USP7: variants seen among roughly 807,000 people sequenced by gnomAD.
USP7 encodes the protein ubiquitin C-terminal hydrolase 7.
A neutral mutation model predicts 162.9 loss-of-function variants in USP7; 9 were observed. The observed-to-expected ratio is 0.06, with a 90% confidence interval of 0.03 to 0.10. USP7 has a LOEUF of 0.10. USP7 is among the 10% of genes least tolerant of loss of function. The probability of loss-of-function intolerance (pLI) is 1.00; values close to 1 mark genes in which losing one functional copy is unlikely to be tolerated. For synonymous variants in USP7, 562 were observed against 475.9 expected (o/e 1.18, Z -2.35); for missense variants, 715 against 1,373.7 (o/e 0.52, Z 7.58).
At chr16:8,913,118 G>A (rs1407714664) in intron 10 of USP7, among the ~76,000 whole-genome samples, 1 of 152,214 alleles carries the variant, frequency 6.6e-6, no homozygotes, top group Non-Finnish European at 1.5e-5. Context: ...AATCTTGGGA[G>A]GCCAAGATGG....
chr16:8,908,549 G>C (rs1245641068), intron 11 of USP7, 99 bp from the exon 12 acceptor site: 3 of 963,754 alleles, frequency 3.1e-6, no homozygotes, highest in Non-Finnish European at 4.6e-6. Flanking sequence ...CATGTCTGGA[G>C]ACTCTGGAGA....
At chr16:8,923,757 G>A (rs942429533) in intron 2 of USP7, among the ~76,000 whole-genome samples, 3 of 152,156 alleles carry the variant, frequency 2.0e-5, no homozygotes, top group East Asian at 1.9e-4. Flanking sequence ...GAGAAGGAAC[G>A]ACATGGCTCA....
Position 8,894,687 on chromosome 16 carries a change from CA to C in USP7, c.3112-48del. On this transcript the variant is annotated intron_variant, in intron 29 of 30. Coordinates refer to ENST00000344836, the MANE Select transcript of USP7 (RefSeq NM_003470.3). Reference sequence around the variant, plus strand: ...CTCCTCCGTTATTTCTGTATATCAGCAAAACTCACATCTCTGGCAAAAAAGC... The same window carrying C: ...CTCCTCCGTTATTTCTGTATATCAGCAAACTCACATCTCTGGCAAAAAAGC... 3.1e-6 allele frequency: 5 copies of C among 1,611,938 alleles called. No individual in the cohort carries two copies. The South Asian group carries it at 3.3e-5, about 11-fold the overall frequency.
chr16:8,926,888 C>G (rs549051156), intron 2 of USP7, among the ~76,000 whole-genome samples: 1 of 152,372 alleles, frequency 6.6e-6, no homozygotes, highest in Admixed American at 6.5e-5. Flanking sequence ...ACCTTCCAAT[C>G]TGGCCCCTGG....
At chr16:8,955,151 C>T (rs1174159021) in intron 1 of USP7, among the ~76,000 whole-genome samples, 6 of 152,122 alleles carry the variant, frequency 3.9e-5, no homozygotes, top group African/African-American at 7.2e-5. Flanking sequence ...TAAGAATAAC[C>T]GCTGAAATGT....
intron 1 of USP7, among the ~76,000 whole-genome samples, chr16:8,944,977 C>A (rs562260994): frequency 2.0e-5 from 3 of 152,100 alleles, no homozygotes; most frequent in African/African-American, 7.2e-5. Context: ...GTGGACCGGG[C>A]GCAGTGGCTC....
chr16:8,907,110 C>T (rs531680107), intron 12 of USP7, among the ~76,000 whole-genome samples: 5 of 152,342 alleles, frequency 3.3e-5, no homozygotes, highest in Admixed American at 2.0e-4. Context: ...GCGAAGCAGC[C>T]ACCACTCAGC....
At chr16:8,938,768 T>C (rs985526586) in intron 1 of USP7, among the ~76,000 whole-genome samples, 1 of 152,102 alleles carries the variant, frequency 6.6e-6, no homozygotes, top group Admixed American at 6.5e-5. Context: ...CAGATTTTTT[T>C]CTGTGTCATT....
At chr16:8,896,354 G>A (rs1271565579) in intron 26 of USP7, among the ~76,000 whole-genome samples, 5 of 151,994 alleles carry the variant, frequency 3.3e-5, no homozygotes, top group Admixed American at 1.3e-4. Flanking sequence ...TGATAGTGGC[G>A]TTTTCCTCGC....
intron 1 of USP7, among the ~76,000 whole-genome samples, chr16:8,960,593 A>G (rs1899970263): frequency 6.6e-6 from 1 of 152,190 alleles, no homozygotes; most frequent in African/African-American, 2.4e-5. Flanking sequence ...CAAGCTGTTC[A>G]GACCCTGACA....
At chr16:8,938,687 G>A (rs1898889582) in intron 1 of USP7, among the ~76,000 whole-genome samples, 1 of 148,418 alleles carries the variant, frequency 6.7e-6, no homozygotes. Context: ...CTCCAGCTTG[G>A]GTAACACAGC....
At position 8,963,355 on chromosome 16, in the gene USP7, G is replaced by C; in HGVS notation, c.-70C>G. Reference sequence around the variant, plus strand: ...GCGAGCCCGGCGGGCGGGCGGCGGCGAGCCGGGGCGGCGGCGGCGGCGGCG... The same window carrying C: ...GCGAGCCCGGCGGGCGGGCGGCGGCCAGCCGGGGCGGCGGCGGCGGCGGCG... On this transcript the variant is annotated 5_prime_UTR_variant, in exon 1 of 31. Coordinates refer to ENST00000344836, the MANE Select transcript of USP7 (RefSeq NM_003470.3). 1 of 533,382 alleles carries C rather than the reference G, an allele frequency of 1.9e-6. No homozygotes were observed. The highest frequency in any genetic ancestry group is 2.4e-6 in the Non-Finnish European group (1 of 420,992). The allele number at this position is 533,382 out of a possible 1,614,324, so 33.0% of individuals were successfully genotyped here.
intron 8 of USP7, among the ~76,000 whole-genome samples, chr16:8,916,067 T>A (rs1897351015): frequency 6.6e-6 from 1 of 152,220 alleles, no homozygotes; most frequent in South Asian, 2.1e-4. Context: ...TGATTAGTGA[T>A]GGCGCGGGGA....
At chr16:8,955,335 C>T (rs1899742342) in intron 1 of USP7, among the ~76,000 whole-genome samples, 1 of 152,204 alleles carries the variant, frequency 6.6e-6, no homozygotes, top group Admixed American at 6.5e-5. Context: ...GCCTCGACCT[C>T]CAAGGTTCAA....
intron 1 of USP7, among the ~76,000 whole-genome samples, chr16:8,952,012 C>T (rs1000091704): frequency 2.0e-5 from 3 of 152,040 alleles, no homozygotes; most frequent in African/African-American, 4.8e-5. Context: ...CTGCAGTTCA[C>T]GACTTTTGGG....
chr16:8,957,587 A>T (rs1160417637), intron 1 of USP7, among the ~76,000 whole-genome samples: 1 of 148,646 alleles, frequency 6.7e-6, no homozygotes, highest in African/African-American at 2.5e-5. Context: ...CAAAACTTAA[A>T]ATTCAAAAAA....
At chr16:8,911,866 G>A (rs1226702001) in intron 10 of USP7, among the ~76,000 whole-genome samples, 1 of 152,154 alleles carries the variant, frequency 6.6e-6, no homozygotes, top group Non-Finnish European at 1.5e-5. Flanking sequence ...GAGGATTGGG[G>A]GGAACAACCT....
chr16:8,908,830 C>G (rs1169015968), intron 11 of USP7, among the ~76,000 whole-genome samples: 3 of 152,164 alleles, frequency 2.0e-5, no homozygotes, highest in Non-Finnish European at 4.4e-5. Context: ...AATGGAAAAT[C>G]AGAAAACTCT....
chr16:8,923,561 C>T (rs1164763202), intron 2 of USP7, 148 bp from the exon 3 acceptor site: 2 of 812,176 alleles, frequency 2.5e-6, no homozygotes, highest in Non-Finnish European at 3.8e-6. Flanking sequence ...TTTATTAAAA[C>T]CCGAAGACTG....
Sources: gnomAD v4.1 joint callset for allele counts (sites outside exome capture counted in the v4.1 genomes callset) on GRCh38, gnomAD v4.1.1 for gene constraint, MANE v1.5 for transcripts, NCBI Gene and HGNC (gene_info 2026-07-23, HGNC 2026-07-21) for gene names.